KLF12: variants seen among roughly 807,000 people sequenced by gnomAD.
The protein encoded by KLF12 is KLF transcription factor 12.
Under a neutral mutation model 37.8 loss-of-function variants are expected in KLF12, and 9 were observed. That is an observed-to-expected ratio of 0.24 (90% confidence interval 0.14 to 0.42). The LOEUF (loss-of-function observed/expected upper bound fraction) is 0.42. Among genes scored for constraint, KLF12 ranks in the 10% least tolerant of loss-of-function variants. KLF12 has a pLI of 1.00. For synonymous variants in KLF12, 208 were observed against 202.1 expected (o/e 1.03, Z -0.25); for missense variants, 411 against 516.0 (o/e 0.80, Z 1.97).
At chr13:74,082,470 T>A (rs1428109810) in intron 1 of KLF12, among the ~76,000 whole-genome samples, 2 of 152,200 alleles carry the variant, frequency 1.3e-5, no homozygotes, top group Non-Finnish European at 2.9e-5. Context: ...CAATAGTCTA[T>A]CAATTTTCTC....
chr13:74,189,863 G>A, the KLF12 span, among the ~76,000 whole-genome samples: 1 of 151,954 alleles, frequency 6.6e-6, no homozygotes, highest in South Asian at 2.1e-4. Flanking sequence ...TGACTTAAAT[G>A]TTTAAAATGA....
At chr13:73,795,742 G>C (rs1468211207) in intron 5 of KLF12, among the ~76,000 whole-genome samples, 1 of 152,094 alleles carries the variant, frequency 6.6e-6, no homozygotes, top group Non-Finnish European at 1.5e-5. Context: ...TATGGAGACA[G>C]GACTGTTACA....
chr13:73,935,790 G>C (rs1186824539), intron 3 of KLF12, among the ~76,000 whole-genome samples: 3 of 152,046 alleles, frequency 2.0e-5, no homozygotes, highest in Non-Finnish European at 4.4e-5. Context: ...ACCATGCCTG[G>C]CTAATTTTTG....
intron 1 of KLF12, among the ~76,000 whole-genome samples, chr13:74,064,984 T>C (rs923977588): frequency 6.6e-6 from 1 of 152,178 alleles, no homozygotes; most frequent in Admixed American, 6.5e-5. Flanking sequence ...CAAATATACA[T>C]GTACACACAT....
intron 1 of KLF12, among the ~76,000 whole-genome samples, chr13:74,075,846 C>T (rs999427029): frequency 6.6e-6 from 1 of 152,140 alleles, no homozygotes; most frequent in African/African-American, 2.4e-5. Flanking sequence ...CCCAGCCCAG[C>T]ACACCAGCAG....
chr13:73,992,515 A>G (rs1253791653), intron 2 of KLF12, among the ~76,000 whole-genome samples: 1 of 152,170 alleles, frequency 6.6e-6, no homozygotes, highest in African/African-American at 2.4e-5. Flanking sequence ...CTGCTCCTGA[A>G]AGTAAAACTC....
At chr13:74,283,453 G>A in the KLF12 span, among the ~76,000 whole-genome samples, 8 of 152,270 alleles carry the variant, frequency 5.3e-5, no homozygotes, top group Middle Eastern at 3.4e-3. Flanking sequence ...AGAGTTTCAT[G>A]TTAATAAAAC....
At chr13:73,913,700 A>C (rs896541664) in intron 3 of KLF12, among the ~76,000 whole-genome samples, 11 of 152,210 alleles carry the variant, frequency 7.2e-5, no homozygotes, top group African/African-American at 2.7e-4. Flanking sequence ...AAAAGACAGA[A>C]ACCTTTTAAT....
At chr13:74,216,410 G>T in the KLF12 span, among the ~76,000 whole-genome samples, 2 of 152,208 alleles carry the variant, frequency 1.3e-5, no homozygotes, top group South Asian at 2.1e-4. Flanking sequence ...GTACAACAGC[G>T]TAGGTACAAT....
chr13:74,078,319 C>CA, intron 1 of KLF12, among the ~76,000 whole-genome samples: 1 of 152,216 alleles, frequency 6.6e-6, no homozygotes, highest in East Asian at 1.9e-4. Context: ...GATCCCATTT[C>CA]AAAAAATTGT....
chr13:74,184,509 A>G, the KLF12 span, among the ~76,000 whole-genome samples: 1 of 152,350 alleles, frequency 6.6e-6, no homozygotes, highest in African/African-American at 2.4e-5. Context: ...TATTTATGGA[A>G]CACAGTATTA....
chr13:73,909,507 A>G (rs988085303), intron 3 of KLF12, among the ~76,000 whole-genome samples: 5 of 152,190 alleles, frequency 3.3e-5, no homozygotes, highest in South Asian at 2.1e-4. Context: ...TGTTACTTCA[A>G]TGATGCTTAA....
the KLF12 span, among the ~76,000 whole-genome samples, chr13:74,301,163 A>G: frequency 6.6e-6 from 1 of 152,198 alleles, no homozygotes; most frequent in Non-Finnish European, 1.5e-5. Context: ...GACATCTGCA[A>G]TGAGGAACAG....
At chr13:73,700,612 C>G (rs1041038621) in intron 7 of KLF12, among the ~76,000 whole-genome samples, 1 of 151,922 alleles carries the variant, frequency 6.6e-6, no homozygotes, top group African/African-American at 2.4e-5. Flanking sequence ...ATCTTCAATT[C>G]TCTCCTCAAA....
intron 1 of KLF12, among the ~76,000 whole-genome samples, chr13:74,048,820 T>C (rs931233712): frequency 1.3e-5 from 2 of 152,188 alleles, no homozygotes; most frequent in African/African-American, 2.4e-5. Context: ...TTTCTTTAGA[T>C]ACAGAATGTG....
In KLF12 at chr13:73,694,214, A is replaced by G. The variant is rs568332453; in HGVS notation, c.*1276T>C. The G allele has an allele frequency of 2.7e-4, 42 of 152,740 alleles. No individual in the cohort carries two copies. The highest frequency in any genetic ancestry group is 9.1e-4 in the African/African-American group (38 of 41,580). The allele number at this position is 152,740 out of a possible 1,614,324, so 9.5% of individuals were successfully genotyped here. On this transcript the variant is annotated 3_prime_UTR_variant, in exon 8 of 8. Transcript: ENST00000377669. ...ATTCAGTTCCAAGGAGAACTGACCC[A>G]TTAACCGAAGAGTTAATTCCCGGCT... is the stretch of plus-strand genomic sequence containing the variant.
chr13:74,172,082 G>A, the KLF12 span, among the ~76,000 whole-genome samples: 109,272 of 151,696 alleles, frequency 0.72, 42,869 homozygotes, highest in Non-Finnish European at 0.86. Flanking sequence ...ATATGTTTCA[G>A]CTACAAGGAG....
chr13:74,031,167 G>A (rs777582795), intron 1 of KLF12, among the ~76,000 whole-genome samples: 5 of 151,980 alleles, frequency 3.3e-5, no homozygotes, highest in Non-Finnish European at 5.9e-5. Flanking sequence ...TTTGCTCTTT[G>A]GAAATTTGGA....
At chr13:74,246,929 G>A in the KLF12 span, among the ~76,000 whole-genome samples, 476 of 152,322 alleles carry the variant, frequency 3.1e-3, 3 homozygotes, top group African/African-American at 0.011. Context: ...AATGCTCAGA[G>A]GAATTAACTG....
Sources: gnomAD v4.1 joint callset for allele counts (sites outside exome capture counted in the v4.1 genomes callset) on GRCh38, gnomAD v4.1.1 for gene constraint, MANE v1.5 for transcripts, NCBI Gene and HGNC (gene_info 2026-07-23, HGNC 2026-07-21) for gene names.